ARHGAP15: variants seen among roughly 807,000 people sequenced by gnomAD.
ARHGAP15 encodes the protein Rho GTPase activating protein 15, also known as rho GTPase-activating protein 15.
In ARHGAP15, 51 loss-of-function variants were observed where a neutral mutation model predicts 63.7. The ratio of observed to expected loss-of-function variants is 0.80; its 90% confidence interval spans 0.64 to 1.01. The LOEUF (loss-of-function observed/expected upper bound fraction) is 1.01. Among genes scored for constraint, ARHGAP15 ranks in the 50% least tolerant of loss-of-function variants. The probability of loss-of-function intolerance (pLI) is 0.00; values close to 1 mark genes in which losing one functional copy is unlikely to be tolerated. For missense variants in ARHGAP15, 560 were observed against 564.6 expected, an observed-to-expected ratio of 0.99 and a Z score of 0.08; for synonymous variants, 191 against 193.8, an observed-to-expected ratio of 0.99 and a Z score of 0.12.
chr2:143,613,238 A>G (rs1033709531), intron 11 of ARHGAP15, among the ~76,000 whole-genome samples: 4 of 152,224 alleles, frequency 2.6e-5, no homozygotes, highest in African/African-American at 9.6e-5. Context: ...AATGAGGTCA[A>G]TTATTAATAA....
chr2:143,756,824 G>A (rs1025861702), intron 13 of ARHGAP15, among the ~76,000 whole-genome samples: 11 of 152,160 alleles, frequency 7.2e-5, no homozygotes, highest in Non-Finnish European at 4.4e-5. Context: ...ATCCTTGGAT[G>A]TGAATTAGGT....
At chr2:143,259,855 T>C (rs1431133998) in intron 6 of ARHGAP15, among the ~76,000 whole-genome samples, 3 of 152,190 alleles carry the variant, frequency 2.0e-5, no homozygotes, top group Non-Finnish European at 4.4e-5. Flanking sequence ...TGATGAATTT[T>C]ATCGACATTC....
intron 9 of ARHGAP15, among the ~76,000 whole-genome samples, chr2:143,495,027 T>A (rs760849031): frequency 1.3e-5 from 2 of 152,224 alleles, no homozygotes; most frequent in Non-Finnish European, 2.9e-5. Flanking sequence ...AGCTATTAAC[T>A]TAATATCTGG....
intron 6 of ARHGAP15, among the ~76,000 whole-genome samples, chr2:143,355,688 A>G (rs761205133): frequency 7.9e-5 from 12 of 152,282 alleles, no homozygotes; most frequent in Admixed American, 2.0e-4. Flanking sequence ...CCCTAGATAC[A>G]TTTTGTCTTT....
At chr2:143,325,502 C>T (rs1684209384) in intron 6 of ARHGAP15, among the ~76,000 whole-genome samples, 1 of 152,030 alleles carries the variant, frequency 6.6e-6, no homozygotes, top group South Asian at 2.1e-4. Flanking sequence ...AATAAATATT[C>T]CCAGAGTCCT....
intron 2 of ARHGAP15, among the ~76,000 whole-genome samples, chr2:143,160,502 T>C (rs928928921): frequency 6.6e-6 from 1 of 151,988 alleles, no homozygotes; most frequent in Non-Finnish European, 1.5e-5. Context: ...GAGGGCAATT[T>C]TGTTGAGATT....
At chr2:143,221,570 G>A (rs1368039101) in intron 4 of ARHGAP15, among the ~76,000 whole-genome samples, 2 of 152,106 alleles carry the variant, frequency 1.3e-5, no homozygotes, top group Non-Finnish European at 1.5e-5. Flanking sequence ...AAGTAACCCT[G>A]GCTTCTCTGA....
intron 6 of ARHGAP15, among the ~76,000 whole-genome samples, chr2:143,363,405 G>C (rs951776830): frequency 1.3e-5 from 2 of 152,074 alleles, no homozygotes; most frequent in Non-Finnish European, 2.9e-5. Flanking sequence ...ATTGGGCTTG[G>C]AGTTGCTTGA....
intron 8 of ARHGAP15, among the ~76,000 whole-genome samples, chr2:143,441,435 T>A (rs530057032): frequency 2.0e-5 from 3 of 152,230 alleles, no homozygotes; most frequent in Admixed American, 6.5e-5. Flanking sequence ...AAATTCAAGT[T>A]GATGGGAAGG....
At chr2:143,234,775 G>C (rs1693576607) in intron 5 of ARHGAP15, among the ~76,000 whole-genome samples, 1 of 152,128 alleles carries the variant, frequency 6.6e-6, no homozygotes, top group Non-Finnish European at 1.5e-5. Context: ...ATTGACCAAA[G>C]CTCAAATGTG....
chr2:143,134,859 G>C (rs933640282), intron 1 of ARHGAP15, among the ~76,000 whole-genome samples: 1 of 151,970 alleles, frequency 6.6e-6, no homozygotes. Context: ...GGATGGTGTC[G>C]ATCTCCTGAC....
rs1185398247 is a variant in ARHGAP15, at chr2:143,330,137, AAC to A, written c.474+79539_474+79540del. On this transcript the variant is annotated intron_variant, in intron 6 of 13. Transcript: ENST00000295095. ...AAAAAAAAAAAAAAAAAAAACCAAA[AAC>A]AAAAAACTAAACTAATGATTAATAA... is the stretch of plus-strand genomic sequence containing the variant. Among the ~76,000 whole-genome samples the A allele has an allele frequency of 9.3e-4, 124 of 132,808 alleles. 5 individuals are homozygous for A. Among genetic ancestry groups the A allele is most frequent in the Non-Finnish European group, 1.3e-3 (80 of 61,158 alleles). The allele number at this position is 132,808 out of a possible 152,430, so 87.1% of individuals were successfully genotyped here.
intron 10 of ARHGAP15, among the ~76,000 whole-genome samples, chr2:143,543,996 A>C (rs1695219733): frequency 6.6e-6 from 1 of 152,134 alleles, no homozygotes; most frequent in Middle Eastern, 3.2e-3. Flanking sequence ...AGCCAACTTT[A>C]TTGCTACCTC....
intron 5 of ARHGAP15, among the ~76,000 whole-genome samples, chr2:143,247,683 T>G (rs2104967198): frequency 6.6e-6 from 1 of 152,338 alleles, no homozygotes; most frequent in Admixed American, 6.5e-5. Context: ...AGTATCTCCC[T>G]TATCCCTGGA....
At chr2:143,522,064 TC>T (rs1360669946) in intron 10 of ARHGAP15, 1 of 152,198 alleles carries the variant, frequency 6.6e-6, no homozygotes, top group Non-Finnish European at 1.5e-5. Flanking sequence ...TCTTTATTCA[TC>T]CCTGGTAAAG....
At chr2:143,172,234 G>A (rs1347088342) in intron 2 of ARHGAP15, 2 of 152,062 alleles carry the variant, frequency 1.3e-5, no homozygotes, top group Admixed American at 1.3e-4. Flanking sequence ...AGGACACTTC[G>A]CTGCTGCAAA....
At chr2:143,739,603 T>A (rs1685882443) in intron 13 of ARHGAP15, among the ~76,000 whole-genome samples, 1 of 152,166 alleles carries the variant, frequency 6.6e-6, no homozygotes, top group Admixed American at 6.6e-5. Context: ...CAGAAAGGGT[T>A]GATATTTTCT....
intron 2 of ARHGAP15, among the ~76,000 whole-genome samples, chr2:143,196,425 T>C (rs377177222): frequency 1.3e-5 from 2 of 152,026 alleles, no homozygotes; most frequent in African/African-American, 4.8e-5. Flanking sequence ...AAGGTTGGAC[T>C]CTTTTTTTCT....
At chr2:143,389,281 G>A (rs7580625) in intron 6 of ARHGAP15, among the ~76,000 whole-genome samples, 36,506 of 151,796 alleles carry the variant, frequency 0.24, 4,846 homozygotes, top group South Asian at 0.37. Flanking sequence ...GGTGTGTGGC[G>A]TTATATCCAT....
Sources: allele counts gnomAD v4.1 joint callset (sites outside exome capture counted in the v4.1 genomes callset), GRCh38; gene constraint gnomAD v4.1.1; transcripts MANE v1.5; gene names NCBI Gene and HGNC (gene_info 2026-07-23, HGNC 2026-07-21).